BAHCC1: variants seen among roughly 807,000 people sequenced by gnomAD.
BAHCC1 encodes the protein BAH domain and coiled-coil containing 1, also known as BAH and coiled-coil domain-containing protein 1.
BAHCC1 carries 43 observed loss-of-function variants against 88.2 expected under a neutral mutation model. That is an observed-to-expected ratio of 0.49 (90% confidence interval 0.38 to 0.63). BAHCC1 has a LOEUF of 0.63. BAHCC1 is among the 20% of genes least tolerant of loss of function. The pLI is 0.00. For missense variants in BAHCC1, 3,023 were observed against 1,654.8 expected (o/e 1.83, Z -14.34); for synonymous variants, 1,510 against 745.5 (o/e 2.03, Z -16.71).
chr17:81,438,792 G>A (rs547854532), intron 4 of BAHCC1, among the ~76,000 whole-genome samples: 4 of 152,296 alleles, frequency 2.6e-5, no homozygotes, highest in African/African-American at 9.6e-5. Context: ...TAGCCCCACC[G>A]GCTTCCTCAG....
At chr17:81,421,278 G>A (rs994969376) in intron 2 of BAHCC1, among the ~76,000 whole-genome samples, 8 of 152,248 alleles carry the variant, frequency 5.3e-5, no homozygotes, top group Non-Finnish European at 1.2e-4. Context: ...TGGAGCCCAG[G>A]CTACACTCGG....
intron 3 of BAHCC1, among the ~76,000 whole-genome samples, chr17:81,433,214 C>T (rs1183755122): frequency 2.0e-5 from 3 of 151,990 alleles, no homozygotes; most frequent in Non-Finnish European, 4.4e-5. Context: ...TCTTGCTGTG[C>T]CGCCCCGCAA....
At chr17:81,410,208 G>A in intron 2 of BAHCC1, 1 of 179,002 alleles carries the variant, frequency 5.6e-6, no homozygotes, top group Non-Finnish European at 1.2e-5. Flanking sequence ...CACATGGCCT[G>A]TGCACGCCCC....
chr17:81,461,130 A>G lies in BAHCC1; in HGVS notation c.6467A>G (p.Asp2156Gly). Residue 2156 changes from aspartate to glycine, a missense_variant, in exon 26 of 28, where the codon GAC becomes GGC. Asp to Gly is a moderately conservative substitution (Grantham distance 94, BLOSUM62 -1). Transcript: ENST00000675386. Reference protein sequence around the residue: ...TPIFGNGFRADSFSSLASSYA... With the variant: ...TPIFGNGFRAGSFSSLASSYA... The stretch of plus-strand genomic sequence containing the variant: ...ATATTTGGCAACGGCTTCCGCGCCG[A>G]CTCCTTCAGCAGCCTGGCCAGCTCC... The G allele has an allele frequency of 1.3e-6, 1 of 761,880 alleles. No individual in the cohort carries two copies. The highest frequency in any genetic ancestry group is 2.4e-6 in the Non-Finnish European group (1 of 415,466). 47.2% of individuals were successfully genotyped at this position (761,880 alleles called of 1,614,324 possible).
Position 81,438,448 on chromosome 17 carries a change from G to A in BAHCC1, c.437G>A (p.Ser146Asn), listed in dbSNP as rs1269055940. The A allele has an allele frequency of 3.9e-6, 3 of 776,936 alleles. No individual in the cohort carries two copies. The African/African-American group carries it at 5.1e-5, about 13-fold the overall frequency. The allele number at this position is 776,936 out of a possible 1,614,324, so 48.1% of individuals were successfully genotyped here. The change falls in exon 4 of 28, where the codon AGC becomes AAC. Residue 146 changes from serine to asparagine, a missense_variant. Physicochemically the swap from Ser to Asn is conservative, Grantham distance 46. Transcript: ENST00000675386. ...PVSHLDHHGN[S>N]NVLYGQHRFY... Reference sequence around the variant, plus strand: ...AGCCACTTGGATCACCATGGAAACAGCAACGTTCTCTATGGGCAGCACCGT... The same window carrying A: ...AGCCACTTGGATCACCATGGAAACAACAACGTTCTCTATGGGCAGCACCGT...
intron 2 of BAHCC1, chr17:81,407,078 C>A: frequency 2.3e-6 from 1 of 436,308 alleles, no homozygotes; most frequent in South Asian, 1.6e-5. Context: ...TGAGGCTGGC[C>A]GGAAGTGCTG....
intron 2 of BAHCC1, chr17:81,415,733 G>C: frequency 3.0e-6 from 1 of 332,302 alleles, no homozygotes; most frequent in Non-Finnish European, 5.9e-6. Context: ...TGCTGGATGT[G>C]GTGATCACAG....
At position 81,451,662 on chromosome 17, in the gene BAHCC1, G is replaced by T; in HGVS notation, c.3977-6G>T. 3.9e-6 allele frequency: 3 copies of T among 774,026 alleles called. No individual in the cohort carries two copies. Among genetic ancestry groups the T allele is most frequent in the Non-Finnish European group, 4.8e-6 (2 of 417,272 alleles). 47.9% of individuals were successfully genotyped at this position (774,026 alleles called of 1,614,324 possible). A position where few individuals can be genotyped will look rare whatever the true frequency, so the allele number is the denominator to read the frequency against. On this transcript the variant is annotated splice_polypyrimidine_tract_variant and splice_region_variant and intron_variant, in intron 11 of 27. Transcript: ENST00000675386. The stretch of plus-strand genomic sequence containing the variant: ...ATGCCCATGCTGACCTTCCCATGCC[G>T]CACAGAGGAGGAAGAGGACGTGCTA...
At position 81,461,979 on chromosome 17, in the gene BAHCC1, A is replaced by C. The variant is rs201896195; in HGVS notation, c.7316A>C (p.Asn2439Thr). Residue 2439 changes from asparagine (N) to threonine (T), a missense_variant, in exon 26 of 28, where the codon AAC becomes ACC. Transcript: ENST00000675386. ...SRRQRPPSVE[N>T]RPKISAFLPA... ...AGGCAGCGGCCGCCCTCCGTGGAAA[A>C]CCGGCCAAAGATCTCAGCCTTCCTG... is the stretch of plus-strand genomic sequence containing the variant. 2.0e-4 allele frequency: 153 copies of C among 776,536 alleles called. No individual in the cohort carries two copies. The Middle Eastern group carries it at 2.0e-3, about 10-fold the overall frequency. The allele number at this position is 776,536 out of a possible 1,614,324, so 48.1% of individuals were successfully genotyped here. A position where few individuals can be genotyped will look rare whatever the true frequency, so the allele number is the denominator to read the frequency against.
rs1555653271 is a variant in BAHCC1 at position 81,443,332 on chromosome 17, C to G, written c.1983C>G (p.Ser661Arg). Reference sequence around the variant, plus strand: ...TGGGCCTGGGTGGCCTCAAGGCCAGCTGCATCCAGCAGGAAGCAAAGTTCC... The same window carrying G: ...TGGGCCTGGGTGGCCTCAAGGCCAGGTGCATCCAGCAGGAAGCAAAGTTCC... ...PLVGLGGLKASCIQQEAKFLS... is the reference protein window; with the variant it reads ...PLVGLGGLKARCIQQEAKFLS... The change falls in exon 5 of 28, where the codon AGC becomes AGG. Residue 661 changes from serine (S) to arginine (R), a missense_variant. Coordinates refer to ENST00000675386, the MANE Select transcript of BAHCC1 (RefSeq NM_001377448.1). 2 of 779,156 alleles carry G rather than the reference C, an allele frequency of 2.6e-6. No individual in the cohort carries two copies. 48.3% of individuals were successfully genotyped at this position (779,156 alleles called of 1,614,324 possible).
Position 81,445,543 on chromosome 17 carries a change from C to G in BAHCC1, c.3025C>G (p.Pro1009Ala). ...GCCCCCCGCCAGCTCCCCCACCCCACCACCTCGGCCCAGCGCCCCGTGCAC... is the reference window on the plus strand; with the variant it reads ...GCCCCCCGCCAGCTCCCCCACCCCAGCACCTCGGCCCAGCGCCCCGTGCAC... Reference protein sequence around the residue: ...PKPPASSPTPPPRPSAPCTLN... With the variant: ...PKPPASSPTPAPRPSAPCTLN... The change falls in exon 10 of 28, where the codon CCA (proline) becomes GCA (alanine). Residue 1009 changes from proline to alanine, a missense_variant. Pro to Ala is a conservative substitution (Grantham distance 27, BLOSUM62 -1). Coordinates refer to ENST00000675386, the MANE Select transcript of BAHCC1 (RefSeq NM_001377448.1). The G allele has an allele frequency of 1.4e-6, 1 of 724,468 alleles. No homozygotes were observed. Among genetic ancestry groups the G allele is most frequent in the Non-Finnish European group, 2.6e-6 (1 of 390,610 alleles). 44.9% of individuals were successfully genotyped at this position (724,468 alleles called of 1,614,324 possible). A position where few individuals can be genotyped will look rare whatever the true frequency, so the allele number is the denominator to read the frequency against.
rs782564571 is a variant in BAHCC1, at chr17:81,443,289, G to T, written c.1940G>T (p.Gly647Val). 9.0e-6 allele frequency: 7 copies of T among 779,370 alleles called. No homozygotes were observed. Among genetic ancestry groups the T allele is most frequent in the Non-Finnish European group, 1.7e-5 (7 of 417,918 alleles). 48.3% of individuals were successfully genotyped at this position (779,370 alleles called of 1,614,324 possible). The change falls in exon 5 of 28, where the codon GGC becomes GTC. Residue 647 changes from glycine to valine, a missense_variant. Physicochemically the swap from Gly to Val is moderately radical, Grantham distance 109. Coordinates refer to ENST00000675386, the MANE Select transcript of BAHCC1 (RefSeq NM_001377448.1). ...LKYSSQALVV[G>V]QKAPLVGLGG... The stretch of plus-strand genomic sequence containing the variant: ...TACAGCAGCCAGGCCCTGGTGGTGG[G>T]CCAGAAAGCACCCTTGGTGGGCCTG...
chr17:81,438,357 C>G lies in BAHCC1; in HGVS notation c.359-13C>G, dbSNP rs2064365279. 2.6e-6 allele frequency: 2 copies of G among 778,470 alleles called. No homozygotes were observed. Among genetic ancestry groups the G allele is most frequent in the East Asian group, 4.8e-5 (2 of 41,242 alleles). 48.2% of individuals were successfully genotyped at this position (778,470 alleles called of 1,614,324 possible). ...GGGAGTTGCCTCTGCAACTGGGTCT[C>G]TTGCTTCTCTAGCTCCGGGGTACCC... On this transcript the variant is annotated splice_polypyrimidine_tract_variant and intron_variant, in intron 3 of 27. Coordinates refer to ENST00000675386, the MANE Select transcript of BAHCC1 (RefSeq NM_001377448.1).
chr17:81,430,492 C>T (rs923672255), intron 3 of BAHCC1, among the ~76,000 whole-genome samples: 25 of 152,316 alleles, frequency 1.6e-4, no homozygotes, highest in African/African-American at 5.5e-4. Flanking sequence ...TCCGGGGCTA[C>T]GCATGCCGAG....
rs534805684 is a variant in BAHCC1 at position 81,449,646 on chromosome 17, C to T, written c.3976+1798C>T. On this transcript the variant is annotated intron_variant, in intron 11 of 27. Coordinates refer to ENST00000675386, the MANE Select transcript of BAHCC1 (RefSeq NM_001377448.1). Reference sequence around the variant, plus strand: ...GAAGGGGCCTGCAGATGTGCCTCCCCGGCTGCTGATGGCAGCAGCTGCTCA... The same window carrying T: ...GAAGGGGCCTGCAGATGTGCCTCCCTGGCTGCTGATGGCAGCAGCTGCTCA... Among the ~76,000 whole-genome samples the T allele has an allele frequency of 1.2e-3, 185 of 152,086 alleles. 3 individuals are homozygous for T. Among genetic ancestry groups the T allele is most frequent in the African/African-American group, 4.1e-3 (172 of 41,492 alleles).
intron 2 of BAHCC1, among the ~76,000 whole-genome samples, chr17:81,405,823 C>T (rs1013795634): frequency 2.6e-5 from 4 of 152,218 alleles, no homozygotes; most frequent in African/African-American, 9.7e-5. Flanking sequence ...CCCTCTGGAT[C>T]CTGTGAGGCA....
rs782050862 is a variant in BAHCC1 at position 81,461,410 on chromosome 17, G to A, written c.6747G>A (p.Pro2249=). 20 of 722,662 alleles carry A rather than the reference G, an allele frequency of 2.8e-5. No homozygotes were observed. The highest frequency in any genetic ancestry group is 6.9e-5 in the African/African-American group (4 of 58,306). The allele number at this position is 722,662 out of a possible 1,614,324, so 44.8% of individuals were successfully genotyped here. ...TGCCCAGCCCCAGCTATGTGCACCCGGCCCTTGTGGGCAAGGACAAGAAGG... is the reference window on the plus strand; with the variant it reads ...TGCCCAGCCCCAGCTATGTGCACCCAGCCCTTGTGGGCAAGGACAAGAAGG... ...RPLPSPSYVH[P]ALVGKDKKGR... Residue 2249 remains proline (P), a synonymous_variant, in exon 26 of 28, where the codon CCG becomes CCA. Coordinates refer to ENST00000675386, the MANE Select transcript of BAHCC1 (RefSeq NM_001377448.1).
chr17:81,443,572 C>T lies in BAHCC1; in HGVS notation c.2215+8C>T. 3.2e-6 allele frequency: 2 copies of T among 629,624 alleles called. No individual in the cohort carries two copies. The highest frequency in any genetic ancestry group is 5.8e-6 in the Non-Finnish European group (2 of 347,684). The allele number at this position is 629,624 out of a possible 1,614,324, so 39.0% of individuals were successfully genotyped here. Reference sequence around the variant, plus strand: ...CCGCCCCCGCCTTCAAAGGTACAGGCCCTGCACAGAGAGGGAGGCAGGCCG... The same window carrying T: ...CCGCCCCCGCCTTCAAAGGTACAGGTCCTGCACAGAGAGGGAGGCAGGCCG... On this transcript the variant is annotated splice_region_variant and intron_variant, in intron 5 of 27. Coordinates refer to ENST00000675386, the MANE Select transcript of BAHCC1 (RefSeq NM_001377448.1).
At position 81,405,133 on chromosome 17, in the gene BAHCC1, C is replaced by T. The variant is rs1230044160; in HGVS notation, c.178+5216C>T. 2.6e-5 allele frequency among the ~76,000 whole-genome samples: 4 copies of T among 152,178 alleles called. No individual in the cohort carries two copies. In the East Asian group the frequency reaches 7.7e-4, roughly 29 times the overall value. ...GGAGTGCAGTGGCACAATCTTGGCTCACTGCCTCACTGCAACCTCTGCCTC... is the reference window on the plus strand; with the variant it reads ...GGAGTGCAGTGGCACAATCTTGGCTTACTGCCTCACTGCAACCTCTGCCTC... On this transcript the variant is annotated intron_variant, in intron 2 of 27. Coordinates refer to ENST00000675386, the MANE Select transcript of BAHCC1 (RefSeq NM_001377448.1).
Sources: allele counts gnomAD v4.1 joint callset (sites outside exome capture counted in the v4.1 genomes callset), GRCh38; gene constraint gnomAD v4.1.1; transcripts MANE v1.5; gene names NCBI Gene and HGNC (gene_info 2026-07-23, HGNC 2026-07-21).